The following GRIK1 variants were observed in gnomAD, a reference collection of about 807,000 sequenced individuals.
GRIK1 encodes glutamate receptor ionotropic, kainate 1.
In GRIK1, 69 loss-of-function variants were observed where a neutral mutation model predicts 105.7. That is an observed-to-expected ratio of 0.65 (90% CI 0.54 to 0.80). The LOEUF (loss-of-function observed/expected upper bound fraction) is 0.80. Ranked by LOEUF, GRIK1 falls within the 30% of genes least tolerant of loss-of-function variation. The probability of loss-of-function intolerance (pLI) is 0.00; values close to 1 mark genes in which losing one functional copy is unlikely to be tolerated. For missense variants in GRIK1, 1,109 were observed against 1,167.3 expected (o/e 0.95, Z 0.73); for synonymous variants, 438 against 431.3 (o/e 1.02, Z -0.19).
At chr21:29,539,936 A>AT (rs2089941774) in intron 16 of GRIK1, among the ~76,000 whole-genome samples, 1 of 152,196 alleles carries the variant, frequency 6.6e-6, no homozygotes, top group African/African-American at 2.4e-5. Context: ...TTTTAAAAAT[A>AT]TTTTTTATCA....
intron 1 of GRIK1, among the ~76,000 whole-genome samples, chr21:29,787,407 G>C (rs982758783): frequency 6.6e-6 from 1 of 152,140 alleles, no homozygotes; most frequent in African/African-American, 2.4e-5. Flanking sequence ...AAGGATCCAG[G>C]CACCACCCAA....
intron 1 of GRIK1, among the ~76,000 whole-genome samples, chr21:29,754,395 A>T (rs1190681597): frequency 6.6e-6 from 1 of 152,206 alleles, no homozygotes. Context: ...TAAACTTCCT[A>T]TAGAAAATGC....
At chr21:29,761,278 C>T (rs1447940993) in intron 1 of GRIK1, 4 of 152,246 alleles carry the variant, frequency 2.6e-5, no homozygotes, top group African/African-American at 9.6e-5. Flanking sequence ...ATGTGGACTT[C>T]CAGCTCAGAA....
rs2062338958 is a variant in GRIK1, at chr21:29,633,871, T to C, written c.1098+8955A>G. On this transcript the variant is annotated intron_variant, in intron 7 of 17. Coordinates refer to ENST00000327783, the MANE Select transcript of GRIK1 (RefSeq NM_001330994.2). ...AGAGGTGCAGAATGAGAAATAGAAA[T>C]GGAAATTTTTTCTGAAGAGTAGAAA... Among the ~76,000 whole-genome samples the C allele has an allele frequency of 3.3e-5, 5 of 152,060 alleles. No homozygotes were observed. In the South Asian group the frequency reaches 1.0e-3, roughly 31 times the overall value.
intron 1 of GRIK1, among the ~76,000 whole-genome samples, chr21:29,838,108 G>C (rs186530142): frequency 6.6e-6 from 1 of 152,130 alleles, no homozygotes; most frequent in Admixed American, 6.5e-5. Context: ...TTAATAAGCA[G>C]GTTTGCAAAA....
At chr21:29,707,734 G>A (rs1239802090) in intron 1 of GRIK1, among the ~76,000 whole-genome samples, 3 of 151,770 alleles carry the variant, frequency 2.0e-5, no homozygotes, top group Non-Finnish European at 4.4e-5. Flanking sequence ...GAGCTGCCTC[G>A]GCCTCCCAAA....
intron 17 of GRIK1, 150 bp from the exon 18 acceptor site, chr21:29,537,535 C>T: frequency 1.5e-6 from 1 of 683,024 alleles, no homozygotes; most frequent in Non-Finnish European, 2.5e-6. Context: ...TCCTCCTCCA[C>T]CCGCTGGCCA....
At chr21:29,595,580 A>G (rs1371832254) in intron 9 of GRIK1, among the ~76,000 whole-genome samples, 1 of 152,284 alleles carries the variant, frequency 6.6e-6, no homozygotes, top group East Asian at 1.9e-4. Context: ...ACTTGTGTAC[A>G]CTTTCTGTGA....
At chr21:29,916,321 G>C (rs1029740228) in intron 1 of GRIK1, among the ~76,000 whole-genome samples, 3 of 151,868 alleles carry the variant, frequency 2.0e-5, no homozygotes, top group Non-Finnish European at 2.9e-5. Context: ...CTAAATAAAA[G>C]ATAGCTTATT....
chr21:29,879,740 C>T (rs1246442760), intron 1 of GRIK1, among the ~76,000 whole-genome samples: 1 of 152,032 alleles, frequency 6.6e-6, no homozygotes, highest in Non-Finnish European at 1.5e-5. Flanking sequence ...CTTTAAGGAG[C>T]TAGTTTATTA....
At chr21:29,863,296 A>T (rs1401096499) in intron 1 of GRIK1, among the ~76,000 whole-genome samples, 1 of 152,176 alleles carries the variant, frequency 6.6e-6, no homozygotes, top group Non-Finnish European at 1.5e-5. Context: ...TCCAAAAACC[A>T]TATATCACGT....
chr21:29,812,472 T>A (rs1162662321), intron 1 of GRIK1, among the ~76,000 whole-genome samples: 1 of 152,132 alleles, frequency 6.6e-6, no homozygotes, highest in African/African-American at 2.4e-5. Context: ...GACCTCAAAC[T>A]GTATTTTTTG....
At chr21:29,557,550 T>G (rs1235372654) in intron 15 of GRIK1, among the ~76,000 whole-genome samples, 2 of 152,210 alleles carry the variant, frequency 1.3e-5, no homozygotes, top group African/African-American at 4.8e-5. Flanking sequence ...AAACAGAAGG[T>G]TAACATTTGT....
At chr21:29,875,280 T>C (rs2069153453) in intron 1 of GRIK1, among the ~76,000 whole-genome samples, 1 of 152,100 alleles carries the variant, frequency 6.6e-6, no homozygotes. Context: ...TAGAAATGAT[T>C]ACTCTCTTTC....
At chr21:29,747,038 G>A (rs190747229) in intron 1 of GRIK1, among the ~76,000 whole-genome samples, 14 of 152,252 alleles carry the variant, frequency 9.2e-5, no homozygotes, top group South Asian at 2.1e-4. Flanking sequence ...GATACCATAA[G>A]GTGTCTCCCA....
chr21:29,677,733 C>T (rs1313909806), intron 3 of GRIK1, among the ~76,000 whole-genome samples: 2 of 152,074 alleles, frequency 1.3e-5, no homozygotes, highest in East Asian at 3.9e-4. Flanking sequence ...TTAGAATATA[C>T]CTCTGAGGTG....
intron 1 of GRIK1, among the ~76,000 whole-genome samples, chr21:29,752,351 T>C (rs1601602188): frequency 6.6e-6 from 1 of 152,234 alleles, no homozygotes; most frequent in Non-Finnish European, 1.5e-5. Flanking sequence ...AACAAGGAAC[T>C]TAATTTTGTT....
At chr21:29,663,552 G>A (rs1439298210) in intron 4 of GRIK1, among the ~76,000 whole-genome samples, 1 of 152,112 alleles carries the variant, frequency 6.6e-6, no homozygotes, top group African/African-American at 2.4e-5. Flanking sequence ...CTTTTCTTGT[G>A]ATTTTGAATC....
intron 1 of GRIK1, among the ~76,000 whole-genome samples, chr21:29,875,866 T>C (rs983469703): frequency 6.6e-6 from 1 of 152,166 alleles, no homozygotes; most frequent in Non-Finnish European, 1.5e-5. Context: ...TAGCTCATAA[T>C]TGTCTTCTTT....
Sources: allele counts gnomAD v4.1 joint callset (sites outside exome capture counted in the v4.1 genomes callset), GRCh38; gene constraint gnomAD v4.1.1; transcripts MANE v1.5; gene names NCBI Gene and HGNC (gene_info 2026-07-23, HGNC 2026-07-21).